ZNF83: variants seen among roughly 807,000 people sequenced by gnomAD.
The protein encoded by ZNF83 is zinc finger protein 83.
For synonymous variants in ZNF83, 209 were observed against 213.0 expected (o/e 0.98, Z 0.17); for missense variants, 552 against 629.9 (o/e 0.88, Z 1.32).
chr19:52,661,229 C>G (rs1269197578), intron 1 of ZNF83, among the ~76,000 whole-genome samples: 1 of 152,066 alleles, frequency 6.6e-6, no homozygotes, highest in Non-Finnish European at 1.5e-5. Context: ...GAGACCTTAC[C>G]CGGTATAAAG....
intron 1 of ZNF83, among the ~76,000 whole-genome samples, chr19:52,678,472 GA>G (rs888889073): frequency 2.8e-5 from 4 of 142,096 alleles, no homozygotes; most frequent in African/African-American, 7.7e-5. Flanking sequence ...AAAGAAAAAA[GA>G]AAAAAAAACT....
chr19:52,648,588 G>A (rs980174220), intron 3 of ZNF83, among the ~76,000 whole-genome samples: 2 of 152,132 alleles, frequency 1.3e-5, no homozygotes, highest in African/African-American at 2.4e-5. Flanking sequence ...AAGGCCACCA[G>A]CTATGTAGAA....
intron 1 of ZNF83, among the ~76,000 whole-genome samples, chr19:52,680,561 C>T (rs1246302649): frequency 1.3e-5 from 2 of 150,386 alleles, no homozygotes; most frequent in African/African-American, 2.4e-5. Context: ...TATTTTGGCA[C>T]ATTTTTTCTC....
At chr19:52,642,371 C>A (rs918993010), upstream of ZNF83, among the ~76,000 whole-genome samples, 1 of 137,190 alleles carries the variant, frequency 7.3e-6, no homozygotes, top group Non-Finnish European at 1.5e-5. Flanking sequence ...TGGGTTCAAG[C>A]GATTCTCCTG....
intron 2 of ZNF83, among the ~76,000 whole-genome samples, chr19:52,616,314 T>G (rs1392768974): frequency 6.6e-6 from 1 of 152,178 alleles, no homozygotes; most frequent in Non-Finnish European, 1.5e-5. Context: ...GATCTTGGGC[T>G]GCAGATCCAG....
intron 1 of ZNF83, among the ~76,000 whole-genome samples, chr19:52,665,899 A>G (rs779496657): frequency 6.6e-6 from 1 of 151,876 alleles, no homozygotes; most frequent in Non-Finnish European, 1.5e-5. Flanking sequence ...GGTGGCTCAC[A>G]CCTGTAATCC....
intron 1 of ZNF83, among the ~76,000 whole-genome samples, chr19:52,678,072 C>A (rs10424247): frequency 0.04 from 6,023 of 151,436 alleles, 370 homozygotes; most frequent in African/African-American, 0.13. Context: ...AAAACAGACC[C>A]AGATGGAGAT....
chr19:52,681,280 C>CAAAAAAAAAAAAAAAAAAAAAA (rs56916405), intron 1 of ZNF83, among the ~76,000 whole-genome samples: 2 of 75,426 alleles, frequency 2.7e-5, no homozygotes, highest in African/African-American at 9.5e-5. Context: ...GAGACTTTCT[C>CAAAAAAAAAAAAAAAAAAAAAA]AAAAAAAAAA....
chr19:52,637,904 T>C (rs534283748), intron 1 of ZNF83, among the ~76,000 whole-genome samples: 172 of 152,202 alleles, frequency 1.1e-3, no homozygotes, highest in African/African-American at 3.9e-3. Flanking sequence ...TCTGCAGGAT[T>C]CCAGGACCAG....
At position 52,637,799 on chromosome 19, in the gene ZNF83, G is replaced by A. The variant is rs192195273; in HGVS notation, c.-322+513C>T. 3.1e-3 allele frequency among the ~76,000 whole-genome samples: 473 copies of A among 152,276 alleles called. 5 individuals carry two copies. Among genetic ancestry groups the A allele is most frequent in the African/African-American group, 0.011 (457 of 41,562 alleles). On this transcript the variant is annotated intron_variant, in intron 1 of 2. Transcript: ENST00000301096. The stretch of plus-strand genomic sequence containing the variant: ...GTACCTCCCCAACGCGGGTTCAGGG[G>A]AAGAGGTGACTGTGGAGGAGAGACC...
intron 1 of ZNF83, among the ~76,000 whole-genome samples, chr19:52,662,350 G>T (rs148102252): frequency 1.3e-5 from 2 of 152,140 alleles, no homozygotes; most frequent in African/African-American, 4.8e-5. Flanking sequence ...ATTTGGAGAC[G>T]CCTGTTTAAT....
chr19:52,647,489 C>G (rs953777812), intron 3 of ZNF83, among the ~76,000 whole-genome samples: 1 of 151,858 alleles, frequency 6.6e-6, no homozygotes, highest in Non-Finnish European at 1.5e-5. Context: ...ACTATGTTAC[C>G]CACACTGGTC....
intron 2 of ZNF83, among the ~76,000 whole-genome samples, chr19:52,630,728 A>G (rs1278494893): frequency 6.6e-6 from 1 of 151,834 alleles, no homozygotes. Context: ...ATCCCATTAA[A>G]ACCTAATCAC....
chr19:52,689,548 CT>C (rs533255708), intron 1 of ZNF83, among the ~76,000 whole-genome samples: 669 of 152,288 alleles, frequency 4.4e-3, no homozygotes, highest in Middle Eastern at 0.031. Context: ...TTTGCTGCCC[CT>C]CTCCCTACCT....
At chr19:52,661,170 A>C (rs576467294) in intron 1 of ZNF83, among the ~76,000 whole-genome samples, 1 of 152,200 alleles carries the variant, frequency 6.6e-6, no homozygotes, top group South Asian at 2.1e-4. Flanking sequence ...GCTGAGATTT[A>C]ATGTTTAGAA....
chr19:52,688,511 G>C (rs922647002), intron 1 of ZNF83, among the ~76,000 whole-genome samples: 1 of 151,520 alleles, frequency 6.6e-6, no homozygotes, highest in African/African-American at 2.4e-5. Flanking sequence ...CCCTGATTCT[G>C]TACGTATCTC....
At chr19:52,652,614 G>A (rs2061456554) in intron 3 of ZNF83, 1 of 450,442 alleles carries the variant, frequency 2.2e-6, no homozygotes, top group Non-Finnish European at 4.4e-6. Flanking sequence ...AACAATGTCT[G>A]AAATATCTGC....
chr19:52,670,751 C>T (rs775249660), intron 1 of ZNF83, among the ~76,000 whole-genome samples: 1 of 152,274 alleles, frequency 6.6e-6, no homozygotes, highest in South Asian at 2.1e-4. Flanking sequence ...CAATCAAATA[C>T]ATTTAAAAGA....
rs117114831 is a variant in ZNF83 at position 52,676,041 on chromosome 19, C to T, written c.-283+14402G>A. 3.9e-4 allele frequency among the ~76,000 whole-genome samples: 59 copies of T among 152,196 alleles called. 1 individual carries two copies. In the East Asian group the frequency reaches 0.011, roughly 29 times the overall value. On this transcript the variant is annotated intron_variant, in intron 1 of 5. Transcript: ENST00000594682. ...CTGTCTCTACTAACAATACAGCTCT[C>T]GCTCTCCCTCTCCCTCTCCCGCTCA... is the stretch of plus-strand genomic sequence containing the variant.
Sources: gnomAD v4.1 joint callset for allele counts (sites outside exome capture counted in the v4.1 genomes callset) on GRCh38, gnomAD v4.1.1 for gene constraint, MANE v1.5 for transcripts, NCBI Gene and HGNC (gene_info 2026-07-23, HGNC 2026-07-21) for gene names.